COTL1: variants seen among roughly 807,000 people sequenced by gnomAD.
COTL1 encodes coactosin like F-actin binding protein 1.
In COTL1, 15 loss-of-function variants were observed where a neutral mutation model predicts 16.5. The ratio of observed to expected loss-of-function variants is 0.91; its 90% CI spans 0.61 to 1.40. COTL1 has a LOEUF of 1.40. Ranked by LOEUF, COTL1 falls within the 40% of genes most tolerant of loss-of-function variation. The probability of loss-of-function intolerance (pLI) is 0.00; values close to 1 mark genes in which losing one functional copy is unlikely to be tolerated. For synonymous variants in COTL1, 112 were observed against 85.3 expected, an observed-to-expected ratio of 1.31 and a Z score of -1.73; for missense variants, 220 against 201.5, an observed-to-expected ratio of 1.09 and a Z score of -0.56.
intron 2 of COTL1, among the ~76,000 whole-genome samples, chr16:84,611,475 T>G (rs2150697213): frequency 6.6e-6 from 1 of 152,296 alleles, no homozygotes; most frequent in Non-Finnish European, 1.5e-5. Context: ...GTAGTAGAAT[T>G]ACATACAGAA....
intron 3 of COTL1, among the ~76,000 whole-genome samples, chr16:84,588,788 A>G (rs1904792999): frequency 6.6e-6 from 1 of 151,930 alleles, no homozygotes; most frequent in African/African-American, 2.4e-5. Context: ...AAGTGCTGAG[A>G]TGACAGGTGT....
At chr16:84,571,715 C>T (rs1192739844) in intron 3 of COTL1, among the ~76,000 whole-genome samples, 1 of 152,248 alleles carries the variant, frequency 6.6e-6, no homozygotes, top group African/African-American at 2.4e-5. Flanking sequence ...TGCACGGGCC[C>T]ATTGCCTGGA....
At chr16:84,615,072 C>G (rs1169549319) in intron 2 of COTL1, among the ~76,000 whole-genome samples, 1 of 152,216 alleles carries the variant, frequency 6.6e-6, no homozygotes. Context: ...TGACTGCTAT[C>G]CAGCCAGTGC....
At position 84,591,259 on chromosome 16, in the gene COTL1, CT is replaced by C. The variant is rs1405134434; in HGVS notation, c.161-998del. Among the ~76,000 whole-genome samples the C allele has an allele frequency of 4.0e-5, 6 of 151,264 alleles. No individual in the cohort carries two copies. In the South Asian group the frequency reaches 1.0e-3, roughly 26 times the overall value. The stretch of plus-strand genomic sequence containing the variant: ...AGTGCAGTGGCGCGATCTCGACTCA[CT>C]GCAAGCTTGGCCTCTAGGGTTCACA... On this transcript the variant is annotated intron_variant, in intron 2 of 3. Coordinates refer to ENST00000262428, the MANE Select transcript of COTL1 (RefSeq NM_021149.5).
chr16:84,605,111 G>A (rs918504930), intron 2 of COTL1, among the ~76,000 whole-genome samples: 2 of 151,770 alleles, frequency 1.3e-5, no homozygotes, highest in African/African-American at 4.9e-5. Flanking sequence ...AACAACAGTG[G>A]CCTCTAAACA....
At chr16:84,577,749 G>C (rs1169303654) in intron 3 of COTL1, among the ~76,000 whole-genome samples, 2 of 152,104 alleles carry the variant, frequency 1.3e-5, no homozygotes, top group Admixed American at 1.3e-4. Context: ...GTGGACACAG[G>C]GTAACCATCT....
chr16:84,569,587 T>G (rs889584074), intron 3 of COTL1, among the ~76,000 whole-genome samples: 27 of 152,112 alleles, frequency 1.8e-4, no homozygotes, highest in Non-Finnish European at 2.8e-4. Context: ...CAGCCCTCAG[T>G]ATATTAACTT....
Position 84,566,760 on chromosome 16 carries a change from T to G in COTL1, c.*85A>C. On this transcript the variant is annotated 3_prime_UTR_variant, in exon 4 of 4. Coordinates refer to ENST00000262428, the MANE Select transcript of COTL1 (RefSeq NM_021149.5). ...GCTTCTTTTCTCCCTGGTGGGCTGG[T>G]GGGCTAGTAGCTGAGGCCGGCGGTC... 1 of 866,774 alleles carries G rather than the reference T, an allele frequency of 1.2e-6. No individual in the cohort carries two copies. The highest frequency in any genetic ancestry group is 1.9e-6 in the Non-Finnish European group (1 of 528,588). The allele number at this position is 866,774 out of a possible 1,614,324, so 53.7% of individuals were successfully genotyped here. A position where few individuals can be genotyped will look rare whatever the true frequency, so the allele number is the denominator to read the frequency against.
intron 3 of COTL1, among the ~76,000 whole-genome samples, chr16:84,572,181 G>A (rs1301084381): frequency 1.3e-5 from 2 of 152,226 alleles, no homozygotes; most frequent in African/African-American, 4.8e-5. Context: ...AAACAGCTCT[G>A]GGCAGACAGA....
At chr16:84,606,393 C>T (rs1430728837) in intron 2 of COTL1, among the ~76,000 whole-genome samples, 1 of 152,246 alleles carries the variant, frequency 6.6e-6, no homozygotes, top group Non-Finnish European at 1.5e-5. Context: ...CATTTGCCTA[C>T]TCAACAACAT....
At chr16:84,591,259 C>A (rs1320503903) in intron 2 of COTL1, among the ~76,000 whole-genome samples, 2 of 151,148 alleles carry the variant, frequency 1.3e-5, no homozygotes, top group Non-Finnish European at 2.9e-5. Flanking sequence ...TCTCGACTCA[C>A]TGCAAGCTTG....
chr16:84,578,316 C>G (rs1004375896), intron 3 of COTL1, among the ~76,000 whole-genome samples: 1 of 152,184 alleles, frequency 6.6e-6, no homozygotes, highest in African/African-American at 2.4e-5. Flanking sequence ...CATACATACT[C>G]AAAGATGTTC....
rs1399925250 is a variant in COTL1, at chr16:84,617,932, G to C, written c.-18C>G. The C allele has an allele frequency of 3.9e-6, 6 of 1,546,912 alleles. No homozygotes were observed. In the Admixed American group the frequency reaches 7.9e-5, roughly 20 times the overall value. The stretch of plus-strand genomic sequence containing the variant: ...GTGGCCATCGCCGCGGAGCCGCAGC[G>C]GGACACTGTCCGGGGCGGCCGAGCG... On this transcript the variant is annotated 5_prime_UTR_variant, in exon 1 of 4. Coordinates refer to ENST00000262428, the MANE Select transcript of COTL1 (RefSeq NM_021149.5).
intron 3 of COTL1, among the ~76,000 whole-genome samples, chr16:84,581,300 G>A (rs1456066742): frequency 6.6e-6 from 1 of 152,124 alleles, no homozygotes; most frequent in Non-Finnish European, 1.5e-5. Flanking sequence ...TGAACCACTG[G>A]CTTAAGGAAG....
rs1349435897 is a variant in COTL1 at position 84,618,078 on chromosome 16, T to G, written c.-164A>C. ...CTGCGAGCGCGGCGGCGGCTTCCACTGCGGACGGAGAGCGCGCGGGGACCC... is the reference window on the plus strand; with the variant it reads ...CTGCGAGCGCGGCGGCGGCTTCCACGGCGGACGGAGAGCGCGCGGGGACCC... On this transcript the variant is annotated 5_prime_UTR_variant, in exon 1 of 4. Coordinates refer to ENST00000262428, the MANE Select transcript of COTL1 (RefSeq NM_021149.5). 23 of 197,420 alleles carry G rather than the reference T, an allele frequency of 1.2e-4. No individual in the cohort carries two copies. The highest frequency in any genetic ancestry group is 5.0e-4 in the African/African-American group (21 of 41,816). The allele number at this position is 197,420 out of a possible 1,614,324, so 12.2% of individuals were successfully genotyped here.
intron 3 of COTL1, chr16:84,567,266 GTCCCTTCAATTCTCTGTGCCTCAAC>G (rs1904302995): frequency 3.6e-6 from 1 of 278,622 alleles, no homozygotes. Flanking sequence ...CCTTGGCCAA[GTCCCTTCAATTCTCTGTGCCTCAAC>G]TTTCTCATCT....
intron 2 of COTL1, among the ~76,000 whole-genome samples, chr16:84,597,292 C>T (rs1450728156): frequency 6.6e-6 from 1 of 152,220 alleles, no homozygotes; most frequent in Non-Finnish European, 1.5e-5. Flanking sequence ...TAAGAATCTG[C>T]ACACTGCAGA....
At chr16:84,612,814 C>T (rs1419542692) in intron 2 of COTL1, among the ~76,000 whole-genome samples, 2 of 152,112 alleles carry the variant, frequency 1.3e-5, no homozygotes, top group Non-Finnish European at 2.9e-5. Flanking sequence ...CCTGTGCTCT[C>T]ATTTTAGGTG....
chr16:84,598,014 C>T (rs1220101679), intron 2 of COTL1, among the ~76,000 whole-genome samples: 1 of 152,180 alleles, frequency 6.6e-6, no homozygotes, highest in Non-Finnish European at 1.5e-5. Flanking sequence ...CATAGCATCA[C>T]ACTGAGCCCC....
Sources: allele counts gnomAD v4.1 joint callset (sites outside exome capture counted in the v4.1 genomes callset), GRCh38; gene constraint gnomAD v4.1.1; transcripts MANE v1.5; gene names NCBI Gene and HGNC (gene_info 2026-07-23, HGNC 2026-07-21).